TRMT10B: variants seen among roughly 807,000 people sequenced by gnomAD.
The protein encoded by TRMT10B is tRNA methyltransferase 10B, also known as tRNA methyltransferase 10 homolog B.
Under a neutral mutation model 43.8 loss-of-function variants are expected in TRMT10B, and 33 were observed. The ratio of observed to expected loss-of-function variants is 0.75; its 90% CI spans 0.57 to 1.01. The LOEUF is 1.01. Among genes scored for constraint, TRMT10B ranks in the 50% least tolerant of loss-of-function variants. The pLI is 0.00. For missense variants in TRMT10B, 362 were observed against 369.8 expected, an observed-to-expected ratio of 0.98 and a Z score of 0.17; for synonymous variants, 137 against 130.6, an observed-to-expected ratio of 1.05 and a Z score of -0.34.
chr9:37,777,269 C>T (rs1470179965), intron 8 of TRMT10B, among the ~76,000 whole-genome samples: 1 of 137,294 alleles, frequency 7.3e-6, no homozygotes, highest in Non-Finnish European at 1.5e-5. Context: ...CTTTTAACCT[C>T]TCACCACTGA....
chr9:37,763,154 A>AAAAC (rs1563991398), intron 3 of TRMT10B, among the ~76,000 whole-genome samples: 2 of 118,112 alleles, frequency 1.7e-5, no homozygotes, highest in African/African-American at 6.3e-5. Context: ...AAAAAAAAAA[A>AAAAC]AAAAAAAAAA....
At chr9:37,769,784 G>A in intron 5 of TRMT10B, 157 bp from the exon 6 acceptor site, 2 of 667,628 alleles carry the variant, frequency 3.0e-6, no homozygotes, top group South Asian at 1.7e-5. Flanking sequence ...TGTATTTTTA[G>A]TAGAGACTGG....
At chr9:37,766,580 A>G (rs1589028294) in intron 4 of TRMT10B, among the ~76,000 whole-genome samples, 1 of 152,214 alleles carries the variant, frequency 6.6e-6, no homozygotes. Context: ...TTGGTTCCAT[A>G]TGAACTTTAA....
At chr9:37,777,473 G>GC in intron 8 of TRMT10B, 128 bp from the exon 9 acceptor site, 1 of 721,072 alleles carries the variant, frequency 1.4e-6, no homozygotes, top group East Asian at 2.8e-5. Flanking sequence ...GCCTCTCCCC[G>GC]CAAGACCTTA....
chr9:37,762,035 G>C lies in TRMT10B; in HGVS notation c.104G>C (p.Gly35Ala), dbSNP rs752450106. Residue 35 changes from glycine (G) to alanine (A), a missense_variant, in exon 2 of 9, where the codon GGC becomes GCC. Coordinates refer to ENST00000297994, the MANE Select transcript of TRMT10B (RefSeq NM_144964.4). Reference protein sequence around the residue: ...EETGEDGLPEGFQLLQIDAEG... With the variant: ...EETGEDGLPEAFQLLQIDAEG... ...ACAGGTGAAGATGGACTTCCTGAAG[G>C]CTTCCAGCTTCTGCAGATCGATGCG... is the stretch of plus-strand genomic sequence containing the variant. 6.2e-7 allele frequency: 1 copy of C among 1,614,156 alleles called. No homozygotes were observed. Among genetic ancestry groups the C allele is most frequent in the East Asian group, 2.2e-5 (1 of 44,872 alleles).
At chr9:37,770,136 G>C (rs1485851553) in intron 6 of TRMT10B, 117 bp downstream of exon 6, 9 of 887,124 alleles carry the variant, frequency 1.0e-5, no homozygotes, top group Non-Finnish European at 1.3e-5. Flanking sequence ...CCCACAAAAA[G>C]TAATGCACAT....
intron 4 of TRMT10B, among the ~76,000 whole-genome samples, chr9:37,766,253 G>A (rs1195174302): frequency 1.3e-5 from 2 of 152,024 alleles, no homozygotes; most frequent in African/African-American, 4.8e-5. Flanking sequence ...ATTAATTTTT[G>A]TATAAGGTGT....
chr9:37,755,440 AT>A (rs531733248), intron 1 of TRMT10B, among the ~76,000 whole-genome samples: 92 of 152,288 alleles, frequency 6.0e-4, no homozygotes, highest in African/African-American at 1.9e-3. Context: ...AAAATGCTAA[AT>A]TTGGGCATAG....
At chr9:37,771,148 G>T (rs534534893) in intron 7 of TRMT10B, among the ~76,000 whole-genome samples, 6 of 152,286 alleles carry the variant, frequency 3.9e-5, no homozygotes, top group African/African-American at 1.4e-4. Context: ...GGATTATCCA[G>T]ATTTTTTTTG....
At chr9:37,769,308 T>TAA (rs57651814) in intron 5 of TRMT10B, among the ~76,000 whole-genome samples, 859 of 60,628 alleles carry the variant, frequency 0.014, 58 homozygotes, top group East Asian at 0.018. Flanking sequence ...ACCCTGTCTT[T>TAA]AAAAAAAAAA....
intron 5 of TRMT10B, 138 bp from the exon 6 acceptor site, chr9:37,769,803 A>T (rs1327391526): frequency 1.4e-6 from 1 of 728,110 alleles, no homozygotes; most frequent in Admixed American, 1.9e-5. Context: ...GGGTTTCACC[A>T]TGTTGCCCAG....
chr9:37,754,953 A>G (rs1825456715), intron 1 of TRMT10B, among the ~76,000 whole-genome samples: 1 of 152,242 alleles, frequency 6.6e-6, no homozygotes, highest in Admixed American at 6.5e-5. Flanking sequence ...AGGTGCTGCC[A>G]GGATTGGGGA....
chr9:37,769,308 T>TAAA (rs57651814), intron 5 of TRMT10B, among the ~76,000 whole-genome samples: 5,591 of 60,398 alleles, frequency 0.093, 638 homozygotes, highest in Non-Finnish European at 0.12. Context: ...ACCCTGTCTT[T>TAAA]AAAAAAAAAA....
At chr9:37,775,684 C>G (rs921713101) in intron 7 of TRMT10B, among the ~76,000 whole-genome samples, 5 of 152,158 alleles carry the variant, frequency 3.3e-5, no homozygotes, top group African/African-American at 1.2e-4. Context: ...CAGGCACACA[C>G]CAGCACACCC....
intron 5 of TRMT10B, chr9:37,769,618 GTTT>G (rs796085877): frequency 7.3e-4 from 130 of 178,754 alleles, no homozygotes; most frequent in African/African-American, 2.0e-3. Context: ...TTTGAGCGGG[GTTT>G]TTTTTTTTTT....
chr9:37,775,473 C>T lies in TRMT10B; in HGVS notation c.721-809C>T, dbSNP rs545310272. On this transcript the variant is annotated intron_variant, in intron 7 of 8. Transcript: ENST00000297994. ...AGGGACATCAGTTTCTGTACTCTGA[C>T]ACTAAATGGCCTCAAGTTGATGGAC... Among the ~76,000 whole-genome samples the T allele has an allele frequency of 1.0e-3, 156 of 152,286 alleles. No individual in the cohort carries two copies. The Middle Eastern group carries it at 0.02, about 20-fold the overall frequency.
intron 6 of TRMT10B, 96 bp downstream of exon 6, chr9:37,770,115 C>T: frequency 9.7e-7 from 1 of 1,034,858 alleles, no homozygotes; most frequent in Non-Finnish European, 1.5e-6. Context: ...AGAAGGACAC[C>T]CCTCCCCACC....
At chr9:37,756,725 G>GAT (rs140692484) in intron 1 of TRMT10B, among the ~76,000 whole-genome samples, 7,656 of 147,070 alleles carry the variant, frequency 0.052, 376 homozygotes, top group African/African-American at 0.13. Context: ...ATCTCAAAAA[G>GAT]ATATATATAT....
chr9:37,756,531 C>A (rs747737575), intron 1 of TRMT10B, among the ~76,000 whole-genome samples: 2 of 151,764 alleles, frequency 1.3e-5, no homozygotes, highest in African/African-American at 2.4e-5. Context: ...CTTGGTGAAA[C>A]CTGATCTCTA....
Sources: allele counts gnomAD v4.1 joint callset (sites outside exome capture counted in the v4.1 genomes callset), GRCh38; gene constraint gnomAD v4.1.1; transcripts MANE v1.5; gene names NCBI Gene and HGNC (gene_info 2026-07-23, HGNC 2026-07-21).